The following CLCN5 variants were observed in gnomAD, a reference collection of about 807,000 sequenced individuals.
CLCN5 encodes the protein H(+)/Cl(-) exchange transporter 5.
In CLCN5, 17 loss-of-function variants were observed where a neutral mutation model predicts 54.0. The observed-to-expected ratio is 0.31, with a 90% CI of 0.22 to 0.47. CLCN5 has a LOEUF of 0.47. Among genes scored for constraint, CLCN5 ranks in the 20% least tolerant of loss-of-function variants. CLCN5 has a pLI of 1.00. For missense variants in CLCN5, 448 were observed against 646.7 expected (o/e 0.69, Z 3.33); for synonymous variants, 222 against 233.0 (o/e 0.95, Z 0.43).
intron 3 of CLCN5, chrX:50,008,644 TG>T (rs782064548): frequency 7.5e-6 from 2 of 268,265 alleles, no homozygotes; most frequent in Admixed American, 3.9e-5. Context: ...AAGACATGCT[TG>T]GTCCCTACCC....
chrX:49,952,888 C>CTT (rs782480208), intron 3 of CLCN5, among the ~76,000 whole-genome samples: 3 of 100,620 alleles, frequency 3.0e-5, no homozygotes, highest in Non-Finnish European at 4.1e-5. Flanking sequence ...GTGTGTGTAA[C>CTT]TTTTTTTTTT....
rs781857741 is a variant in CLCN5, at chrX:50,019,333, A to G, written c.17-22983A>G. The stretch of plus-strand genomic sequence containing the variant: ...ATTATTTTTACATTGACATGTAATT[A>G]TACATATTTGTGGGGTACACAGTGA... On this transcript the variant is annotated intron_variant, in intron 3 of 14. Coordinates refer to ENST00000376091, the MANE Select transcript of CLCN5 (RefSeq NM_001127898.4). Among the ~76,000 whole-genome samples, 8 of 110,502 alleles carry G rather than the reference A, an allele frequency of 7.2e-5. No homozygotes were observed. The South Asian group carries it at 3.1e-3, about 43-fold the overall frequency.
intron 9 of CLCN5, chrX:50,085,720 G>A (rs782209203): frequency 5.3e-4 from 208 of 388,827 alleles, no homozygotes; most frequent in South Asian, 4.4e-3. Context: ...ATAAGGGCGG[G>A]GGGGCGGTGC....
rs1438495101 is a variant in CLCN5, at chrX:50,093,126, T to C, written c.*907T>C. 8.9e-6 allele frequency: 1 copy of C among 112,280 alleles called. No homozygotes were observed. Among genetic ancestry groups the C allele is most frequent in the Non-Finnish European group, 1.9e-5 (1 of 53,275 alleles). 9.3% of individuals were successfully genotyped at this position (112,280 alleles called of 1,213,427 possible). ...GTTTGTGAGGTCCTAACTAATTCTC[T>C]TACCCAGATGCCACCTCCATGAATG... On this transcript the variant is annotated 3_prime_UTR_variant, in exon 15 of 15. Transcript: ENST00000376091.
rs1292663940 is a variant in CLCN5 at position 50,097,729 on chromosome X, C to T, written c.*5510C>T. ...GGGAGGGAGAGGATTGTTCTGAGAA[C>T]AGAAACTGGAAGATACGTCTGAGTT... is the stretch of plus-strand genomic sequence containing the variant. On this transcript the variant is annotated 3_prime_UTR_variant, in exon 15 of 15. Transcript: ENST00000376091. 4 of 111,108 alleles carry T rather than the reference C, an allele frequency of 3.6e-5. No individual in the cohort carries two copies. The highest frequency in any genetic ancestry group is 1.3e-4 in the African/African-American group (4 of 30,496). The allele number at this position is 111,108 out of a possible 1,213,427, so 9.2% of individuals were successfully genotyped here. A position where few individuals can be genotyped will look rare whatever the true frequency, so the allele number is the denominator to read the frequency against.
At chrX:49,982,692 C>T (rs1194790878) in intron 3 of CLCN5, among the ~76,000 whole-genome samples, 16 of 111,784 alleles carry the variant, frequency 1.4e-4, no homozygotes, top group African/African-American at 4.2e-4. Flanking sequence ...GTATGGAAAA[C>T]TATTTTACAC....
At chrX:50,069,141 T>C (rs1261645786) in intron 4 of CLCN5, among the ~76,000 whole-genome samples, 2 of 111,930 alleles carry the variant, frequency 1.8e-5, no homozygotes, top group Non-Finnish European at 3.8e-5. Flanking sequence ...GAAAGGAAGA[T>C]AAAGCATGCA....
intron 3 of CLCN5, among the ~76,000 whole-genome samples, chrX:49,946,474 C>T (rs1926750758): frequency 1.8e-5 from 2 of 111,828 alleles, no homozygotes; most frequent in African/African-American, 6.5e-5. Flanking sequence ...ATCCTAGGGG[C>T]TGCCTGCAAT....
intron 4 of CLCN5, among the ~76,000 whole-genome samples, chrX:50,060,164 C>T (rs1208394126): frequency 9.1e-6 from 1 of 109,748 alleles, no homozygotes; most frequent in Non-Finnish European, 1.9e-5. Context: ...CCAAGATGGC[C>T]GAATAGGAAC....
At chrX:49,947,246 T>C (rs1283785562) in intron 3 of CLCN5, among the ~76,000 whole-genome samples, 1 of 111,656 alleles carries the variant, frequency 9.0e-6, no homozygotes, top group Non-Finnish European at 1.9e-5. Flanking sequence ...AAAGATAAAA[T>C]GAGAGATGAT....
At chrX:49,996,731 G>A (rs782802604) in intron 3 of CLCN5, among the ~76,000 whole-genome samples, 4 of 111,730 alleles carry the variant, frequency 3.6e-5, no homozygotes, top group Non-Finnish European at 7.5e-5. Context: ...AACATTGGTG[G>A]GCCACCTAAA....
chrX:50,045,053 T>TA (rs1932349817), intron 4 of CLCN5, among the ~76,000 whole-genome samples: 1 of 111,093 alleles, frequency 9.0e-6, no homozygotes, highest in Non-Finnish European at 1.9e-5. Flanking sequence ...AGGATGGAAA[T>TA]AAACTGAATG....
At chrX:50,077,836 A>C (rs1432425349) in intron 7 of CLCN5, among the ~76,000 whole-genome samples, 49 of 87,703 alleles carry the variant, frequency 5.6e-4, no homozygotes, top group African/African-American at 1.7e-3. Context: ...AAAAAAAAAA[A>C]AAAAAAAAAA....
At chrX:50,048,501 A>G (rs1449850915) in intron 4 of CLCN5, among the ~76,000 whole-genome samples, 10 of 112,696 alleles carry the variant, frequency 8.9e-5, no homozygotes, top group East Asian at 8.4e-4. Flanking sequence ...TTATTTATCT[A>G]TTAAATCATT....
intron 3 of CLCN5, among the ~76,000 whole-genome samples, chrX:49,985,592 T>C (rs1255834333): frequency 8.9e-6 from 1 of 111,955 alleles, no homozygotes; most frequent in Admixed American, 9.5e-5. Flanking sequence ...GATCAGTTTT[T>C]TGTTTTATAA....
intron 3 of CLCN5, chrX:49,945,322 T>G (rs571920965): frequency 4.5e-5 from 5 of 112,176 alleles, no homozygotes; most frequent in Admixed American, 1.9e-4. Context: ...TCCTCCAAGT[T>G]TCTGTCTGTC....
chrX:49,935,543 A>G (rs1430582400), intron 3 of CLCN5, among the ~76,000 whole-genome samples: 2 of 111,865 alleles, frequency 1.8e-5, no homozygotes, highest in African/African-American at 3.3e-5. Context: ...ATTTTCTTAT[A>G]AAGTGTTGTG....
intron 3 of CLCN5, among the ~76,000 whole-genome samples, chrX:49,980,405 C>T (rs1928678109): frequency 1.8e-5 from 2 of 111,234 alleles, no homozygotes; most frequent in African/African-American, 3.3e-5. Flanking sequence ...TTAATATCAG[C>T]CAAATTTCCA....
chrX:49,925,461 G>C, intron 3 of CLCN5, 147 bp downstream of exon 3: 1 of 565,809 alleles, frequency 1.8e-6, no homozygotes. Context: ...AAACACATTA[G>C]TTTAAAAAGA....
Sources: gnomAD v4.1 joint callset for allele counts (sites outside exome capture counted in the v4.1 genomes callset) on GRCh38, gnomAD v4.1.1 for gene constraint, MANE v1.5 for transcripts, NCBI Gene and HGNC (gene_info 2026-07-23, HGNC 2026-07-21) for gene names.